MYH15: variants seen among roughly 807,000 people sequenced by gnomAD.
MYH15 encodes myosin-15.
Under a neutral mutation model 240.5 loss-of-function variants are expected in MYH15, and 227 were observed. The observed-to-expected ratio is 0.94, with a 90% confidence interval of 0.85 to 1.05. The LOEUF is 1.05. MYH15 is among the 50% of genes least tolerant of loss of function. The probability of loss-of-function intolerance (pLI) is 0.00; values close to 1 mark genes in which losing one functional copy is unlikely to be tolerated. For synonymous variants in MYH15, 785 were observed against 796.7 expected (o/e 0.99, Z 0.25); for missense variants, 2,217 against 2,247.5 (o/e 0.99, Z 0.27).
chr3:108,434,642 T>C (rs2082815908), intron 25 of MYH15, among the ~76,000 whole-genome samples: 1 of 152,204 alleles, frequency 6.6e-6, no homozygotes. Flanking sequence ...TTTCACGATT[T>C]AGACATTCCT....
the MYH15 span, among the ~76,000 whole-genome samples, chr3:108,535,568 A>AT: frequency 6.6e-6 from 1 of 152,158 alleles, no homozygotes; most frequent in South Asian, 2.1e-4. Flanking sequence ...CATTCAGTCT[A>AT]TAGCAGTGTG....
chr3:108,472,399 T>C (rs372170372), intron 12 of MYH15, among the ~76,000 whole-genome samples: 5 of 152,216 alleles, frequency 3.3e-5, no homozygotes, highest in African/African-American at 9.6e-5. Context: ...AGGAGCCAGT[T>C]GGTGTCTGGT....
chr3:108,543,405 T>A, the MYH15 span: 2 of 152,270 alleles, frequency 1.3e-5, no homozygotes, highest in Non-Finnish European at 2.9e-5. Context: ...GGCTTTCTCC[T>A]TGAAGACACT....
intron 32 of MYH15, 31 bp downstream of exon 32, chr3:108,408,249 G>A: frequency 6.3e-7 from 1 of 1,594,548 alleles, no homozygotes; most frequent in Non-Finnish European, 8.5e-7. Flanking sequence ...TTGTCACAGT[G>A]AAAACTTTCT....
the MYH15 span, among the ~76,000 whole-genome samples, chr3:108,541,831 C>T: frequency 1.3e-5 from 2 of 151,950 alleles, no homozygotes; most frequent in Non-Finnish European, 2.9e-5. Context: ...AAGCCCTATA[C>T]GTATTGATAT....
chr3:108,436,087 A>AT (rs1216254214), intron 25 of MYH15, among the ~76,000 whole-genome samples: 2 of 152,196 alleles, frequency 1.3e-5, no homozygotes, highest in African/African-American at 4.8e-5. Context: ...GTCTCTTGTC[A>AT]TCGCTAATTT....
At chr3:108,395,317 A>G (rs951500371) in intron 35 of MYH15, among the ~76,000 whole-genome samples, 4 of 152,212 alleles carry the variant, frequency 2.6e-5, no homozygotes, top group African/African-American at 9.6e-5. Context: ...CACTGGTTCT[A>G]TCTACCCCAT....
chr3:108,402,223 G>T (rs531304670), intron 33 of MYH15, among the ~76,000 whole-genome samples: 1 of 152,066 alleles, frequency 6.6e-6, no homozygotes, highest in East Asian at 1.9e-4. Context: ...AAAGACACTC[G>T]AAAATATTTT....
At chr3:108,541,807 CA>C in the MYH15 span, among the ~76,000 whole-genome samples, 1 of 151,874 alleles carries the variant, frequency 6.6e-6, no homozygotes, top group Non-Finnish European at 1.5e-5. Flanking sequence ...ATGAAACTGT[CA>C]AAAATGATCA....
At chr3:108,495,578 T>C (rs1311043797) in intron 7 of MYH15, among the ~76,000 whole-genome samples, 2 of 152,174 alleles carry the variant, frequency 1.3e-5, no homozygotes, top group Non-Finnish European at 1.5e-5. Flanking sequence ...TAGAAACTCC[T>C]AAAATGCATA....
chr3:108,399,321 A>C, intron 33 of MYH15, 54 bp from the exon 34 acceptor site: 5 of 1,398,104 alleles, frequency 3.6e-6, no homozygotes, highest in Non-Finnish European at 5.0e-6. Context: ...AATTAATCAA[A>C]TTCACCTGCT....
the MYH15 span, among the ~76,000 whole-genome samples, chr3:108,547,342 G>A: frequency 6.6e-6 from 1 of 152,086 alleles, no homozygotes; most frequent in African/African-American, 2.4e-5. Context: ...ACTTAGTGAA[G>A]GCTGGAAATG....
Position 108,416,759 on chromosome 3 carries a change from TAAA to T in MYH15, c.3948+50_3948+52del, listed in dbSNP as rs56933265. 2,831 of 1,415,224 alleles carry T rather than the reference TAAA, an allele frequency of 2.0e-3. 41 individuals carry two copies. Among genetic ancestry groups the T allele is most frequent in the African/African-American group, 0.015 (1,036 of 68,426 alleles). The allele number at this position is 1,415,224 out of a possible 1,614,324, so 87.7% of individuals were successfully genotyped here. A position where few individuals can be genotyped will look rare whatever the true frequency, so the allele number is the denominator to read the frequency against. On this transcript the variant is annotated intron_variant, in intron 29 of 40. Transcript: ENST00000693548. ...GGCTGATTCATCAAGCACTATTTTT[TAAA>T]AAAAAAAACACACAGTCAAGAAACT... is the stretch of plus-strand genomic sequence containing the variant.
At chr3:108,479,450 G>C (rs1381011215) in intron 11 of MYH15, among the ~76,000 whole-genome samples, 12 of 152,188 alleles carry the variant, frequency 7.9e-5, no homozygotes, top group Non-Finnish European at 5.9e-5. Context: ...TGTTACCCAG[G>C]TGATTCTGAT....
At chr3:108,546,781 A>C in the MYH15 span, among the ~76,000 whole-genome samples, 3 of 152,182 alleles carry the variant, frequency 2.0e-5, no homozygotes, top group South Asian at 6.2e-4. Flanking sequence ...TTATGTGATA[A>C]TAAAGTTTTT....
At position 108,394,119 on chromosome 3, in the gene MYH15, G is replaced by A. The variant is rs1472787731; in HGVS notation, c.5171C>T (p.Ala1724Val). 7 of 1,614,082 alleles carry A rather than the reference G, an allele frequency of 4.3e-6. No individual in the cohort carries two copies. The highest frequency in any genetic ancestry group is 1.1e-5 in the South Asian group (1 of 91,080). Reference protein sequence around the residue: ...SLLSQKKKLEADVARMQKEAE... With the variant: ...SLLSQKKKLEVDVARMQKEAE... ...TTCTTTCTGCATCCGGGCAACATCA[G>A]CCTCCAGTTTCTTCTTCTGGCTGAG... Residue 1724 changes from alanine (A) to valine (V), a missense_variant, in exon 36 of 41, where the codon GCT becomes GTT. Transcript: ENST00000693548.
chr3:108,527,641 G>A (rs2083683142), intron 1 of MYH15, among the ~76,000 whole-genome samples: 1 of 152,046 alleles, frequency 6.6e-6, no homozygotes, highest in Middle Eastern at 3.2e-3. Context: ...ATCTACACTA[G>A]TCAGATCAAT....
At chr3:108,497,493 A>G (rs893314632) in intron 6 of MYH15, among the ~76,000 whole-genome samples, 5 of 152,168 alleles carry the variant, frequency 3.3e-5, no homozygotes, top group Non-Finnish European at 7.3e-5. Context: ...GTCCATTAAC[A>G]TGTTAATGGA....
chr3:108,444,243 A>C, intron 22 of MYH15, among the ~76,000 whole-genome samples: 1 of 152,112 alleles, frequency 6.6e-6, no homozygotes, highest in Non-Finnish European at 1.5e-5. Flanking sequence ...GACCAAAATC[A>C]GGATATCCGA....
Sources: allele counts gnomAD v4.1 joint callset (sites outside exome capture counted in the v4.1 genomes callset), GRCh38; gene constraint gnomAD v4.1.1; transcripts MANE v1.5; gene names NCBI Gene and HGNC (gene_info 2026-07-23, HGNC 2026-07-21).